The following LYN variants were observed in gnomAD, a reference collection of about 807,000 sequenced individuals.
The protein encoded by LYN is LYN proto-oncogene, Src family tyrosine kinase.
Under a neutral mutation model 65.0 loss-of-function variants are expected in LYN, and 12 were observed. That is an observed-to-expected ratio of 0.18 (90% CI 0.12 to 0.30). LYN has a LOEUF of 0.30. Ranked by LOEUF, LYN falls within the 10% of genes least tolerant of loss-of-function variation. LYN has a pLI of 1.00. For missense variants in LYN, 380 were observed against 623.2 expected, an observed-to-expected ratio of 0.61 and a Z score of 4.16; for synonymous variants, 222 against 221.2, an observed-to-expected ratio of 1.00 and a Z score of -0.03.
intron 10 of LYN, among the ~76,000 whole-genome samples, chr8:55,977,177 C>G (rs1336966344): frequency 6.6e-6 from 1 of 151,886 alleles, no homozygotes; most frequent in Middle Eastern, 3.4e-3. Context: ...AAGAGCAAGA[C>G]TCTGTCTCAA....
intron 10 of LYN, among the ~76,000 whole-genome samples, chr8:55,987,491 T>C (rs1808109299): frequency 6.6e-6 from 1 of 152,072 alleles, no homozygotes; most frequent in Admixed American, 6.5e-5. Context: ...AGTGCAGTGG[T>C]GCAGTCTTGT....
At chr8:55,905,310 G>T (rs1028074507) in intron 1 of LYN, among the ~76,000 whole-genome samples, 3 of 152,094 alleles carry the variant, frequency 2.0e-5, no homozygotes, top group Non-Finnish European at 2.9e-5. Context: ...TACTCCGGAG[G>T]CTGAGCAGGA....
At chr8:56,006,223 A>G (rs1808670701) in intron 12 of LYN, among the ~76,000 whole-genome samples, 1 of 152,238 alleles carries the variant, frequency 6.6e-6, no homozygotes, top group African/African-American at 2.4e-5. Context: ...AGATATATCT[A>G]ACATCTTAAT....
intron 8 of LYN, among the ~76,000 whole-genome samples, chr8:55,966,512 C>T (rs1206004169): frequency 5.9e-5 from 9 of 151,998 alleles, no homozygotes; most frequent in African/African-American, 1.9e-4. Flanking sequence ...GGATTACAGG[C>T]GCCTGCCACC....
chr8:55,939,541 G>GA (rs1436430742), intron 1 of LYN, among the ~76,000 whole-genome samples: 2 of 152,056 alleles, frequency 1.3e-5, no homozygotes, highest in East Asian at 3.9e-4. Context: ...GTGGGGGGGG[G>GA]ACAGGGGATT....
In LYN at chr8:55,953,917, G is replaced by A. The variant is rs1250183139; in HGVS notation, c.723G>A (p.Glu241=). Residue 241 remains glutamate (E), a synonymous_variant, in exon 8 of 13, where the codon GAG becomes GAA. Transcript: ENST00000519728. Reference sequence around the variant, plus strand: ...AGCCATGGGATAAAGATGCCTGGGAGATCCCCCGGGAGTCCATCAAGTTGG... The same window carrying A: ...AGCCATGGGATAAAGATGCCTGGGAAATCCCCCGGGAGTCCATCAAGTTGG... The part of the protein sequence containing the change: ...PQKPWDKDAW[E]IPRESIKLVK... The A allele has an allele frequency of 1.2e-6, 2 of 1,614,060 alleles. No individual in the cohort carries two copies. Among genetic ancestry groups the A allele is most frequent in the African/African-American group, 1.3e-5 (1 of 74,914 alleles).
At chr8:55,925,755 G>A (rs553535735) in intron 1 of LYN, among the ~76,000 whole-genome samples, 7 of 152,104 alleles carry the variant, frequency 4.6e-5, no homozygotes, top group Non-Finnish European at 1.0e-4. Context: ...CACCCTGGAC[G>A]CTGGTGACTG....
At chr8:55,987,977 G>C (rs1808129592) in intron 10 of LYN, among the ~76,000 whole-genome samples, 1 of 152,132 alleles carries the variant, frequency 6.6e-6, no homozygotes. Flanking sequence ...TCAAAGTATA[G>C]ATTTCACTAT....
intron 2 of LYN, among the ~76,000 whole-genome samples, chr8:55,944,178 T>A (rs1015411018): frequency 2.0e-5 from 3 of 152,190 alleles, no homozygotes; most frequent in African/African-American, 7.2e-5. Context: ...TGTAATTTTA[T>A]ATATAGAAAA....
intron 6 of LYN, among the ~76,000 whole-genome samples, chr8:55,951,704 T>G (rs1195387960): frequency 1.3e-5 from 2 of 151,762 alleles, no homozygotes; most frequent in Non-Finnish European, 2.9e-5. Flanking sequence ...TTAAAAAAAT[T>G]TAAATGTAGC....
chr8:55,943,604 A>G (rs971969936), intron 2 of LYN, among the ~76,000 whole-genome samples: 1 of 147,114 alleles, frequency 6.8e-6, no homozygotes, highest in Non-Finnish European at 1.5e-5. Context: ...AGGCATTTTT[A>G]TAGTTTCTCT....
chr8:55,887,565 T>TATAC (rs1563494076), intron 1 of LYN, among the ~76,000 whole-genome samples: 1 of 48,998 alleles, frequency 2.0e-5, no homozygotes, highest in African/African-American at 8.4e-5. Flanking sequence ...TAAATATATA[T>TATAC]ATATATATAT....
At chr8:55,906,715 AAAAG>A in intron 1 of LYN, among the ~76,000 whole-genome samples, 1 of 147,014 alleles carries the variant, frequency 6.8e-6, no homozygotes, top group South Asian at 2.1e-4. Flanking sequence ...TCTACCAAAA[AAAAG>A]AAAAAGAAAA....
At chr8:55,995,752 G>A (rs944519034) in intron 10 of LYN, among the ~76,000 whole-genome samples, 3 of 152,148 alleles carry the variant, frequency 2.0e-5, no homozygotes, top group South Asian at 2.1e-4. Flanking sequence ...GGAGGGGGTC[G>A]TGGTGAGGAG....
At position 56,013,463 on chromosome 8, in the gene LYN, G is replaced by A. The variant is rs1808870329; in HGVS notation, c.*3353G>A. On this transcript the variant is annotated 3_prime_UTR_variant, in exon 13 of 13. Coordinates refer to ENST00000519728, the MANE Select transcript of LYN (RefSeq NM_002350.4). Reference sequence around the variant, plus strand: ...TTTTTGTATTTTTAGTAGAGATGGGGTTTCACCATGTTAGCCAGGCTGGTC... The same window carrying A: ...TTTTTGTATTTTTAGTAGAGATGGGATTTCACCATGTTAGCCAGGCTGGTC... 1 of 152,156 alleles carries A rather than the reference G, an allele frequency of 6.6e-6. No homozygotes were observed. Among genetic ancestry groups the A allele is most frequent in the South Asian group, 2.1e-4 (1 of 4,818 alleles). 9.4% of individuals were successfully genotyped at this position (152,156 alleles called of 1,614,324 possible).
At chr8:55,947,120 G>A (rs1195521850) in intron 3 of LYN, among the ~76,000 whole-genome samples, 1 of 152,114 alleles carries the variant, frequency 6.6e-6, no homozygotes, top group African/African-American at 2.4e-5. Context: ...GTGGTGGTGG[G>A]CGCCTGTAAT....
At chr8:55,918,620 C>G (rs572449313) in intron 1 of LYN, among the ~76,000 whole-genome samples, 1 of 152,064 alleles carries the variant, frequency 6.6e-6, no homozygotes. Context: ...TGACCAGAGC[C>G]CTCCCAGATT....
At chr8:55,928,838 T>C (rs1046590658) in intron 1 of LYN, among the ~76,000 whole-genome samples, 3 of 152,154 alleles carry the variant, frequency 2.0e-5, no homozygotes, top group African/African-American at 7.2e-5. Context: ...GTATGTAAAA[T>C]GTCATCACCA....
At chr8:55,997,197 C>T (rs1808396426) in intron 10 of LYN, among the ~76,000 whole-genome samples, 1 of 151,628 alleles carries the variant, frequency 6.6e-6, no homozygotes, top group South Asian at 2.1e-4. Flanking sequence ...TGTGATTGTC[C>T]TGGAGGGAAT....
Sources: allele counts gnomAD v4.1 joint callset (sites outside exome capture counted in the v4.1 genomes callset), GRCh38; gene constraint gnomAD v4.1.1; transcripts MANE v1.5; gene names NCBI Gene and HGNC (gene_info 2026-07-23, HGNC 2026-07-21).